ZKSCAN8: variants seen among roughly 807,000 people sequenced by gnomAD.
ZKSCAN8 encodes the protein zinc finger protein with KRAB and SCAN domains 8.
A neutral mutation model predicts 57.2 loss-of-function variants in ZKSCAN8; 27 were observed. The ratio of observed to expected loss-of-function variants is 0.47; its 90% CI spans 0.35 to 0.65. The LOEUF is 0.65. ZKSCAN8 is among the 30% of genes least tolerant of loss of function. The probability of loss-of-function intolerance (pLI) is 0.01; values close to 1 mark genes in which losing one functional copy is unlikely to be tolerated. For missense variants in ZKSCAN8, 597 were observed against 696.3 expected, an observed-to-expected ratio of 0.86 and a Z score of 1.60; for synonymous variants, 214 against 248.7, an observed-to-expected ratio of 0.86 and a Z score of 1.31.
chr6:28,152,102 T>G (rs943480970), intron 4 of ZKSCAN8, among the ~76,000 whole-genome samples, 159 bp from the exon 5 acceptor site: 1 of 152,234 alleles, frequency 6.6e-6, no homozygotes, highest in Non-Finnish European at 1.5e-5. Flanking sequence ...CCCCAGTAAA[T>G]CTCATGCATT....
intron 2 of ZKSCAN8, 160 bp downstream of exon 2, chr6:28,148,984 CT>C (rs1426424945): frequency 2.3e-6 from 2 of 888,518 alleles, no homozygotes; most frequent in Non-Finnish European, 3.3e-6. Context: ...GTTCTTTTTA[CT>C]TTTGTAAAGG....
At position 28,155,860 on chromosome 6, in the gene ZKSCAN8, T is replaced by C. The variant is rs952968474; in HGVS notation, c.*1843T>C. On this transcript the variant is annotated 3_prime_UTR_variant, in exon 6 of 6. Transcript: ENST00000330236. ...TACATCAATTTCATTGAGCCATTGG[T>C]GAATGAAGACACCCATCACTTGTCA... The C allele has an allele frequency of 9.7e-6, 3 of 310,206 alleles. No individual in the cohort carries two copies. Among genetic ancestry groups the C allele is most frequent in the African/African-American group, 2.1e-5 (1 of 46,748 alleles). The allele number at this position is 310,206 out of a possible 1,614,324, so 19.2% of individuals were successfully genotyped here.
At position 28,153,563 on chromosome 6, in the gene ZKSCAN8, A is replaced by T; in HGVS notation, c.1283A>T (p.His428Leu). The T allele has an allele frequency of 5.0e-6, 8 of 1,614,088 alleles. No individual in the cohort carries two copies. Among genetic ancestry groups the T allele is most frequent in the Non-Finnish European group, 6.8e-6 (8 of 1,180,010 alleles). Residue 428 changes from histidine (H) to leucine (L), a missense_variant, in exon 6 of 6, where the codon CAC (histidine) becomes CTC (leucine). By Grantham distance (99) the His-to-Leu change is moderately conservative (BLOSUM62 -3). Transcript: ENST00000330236. ...SAGLILHQRI[H>L]SGERPYECNE... ...GGCCTTATTCTGCACCAGAGAATCC[A>T]CAGTGGAGAGAGACCCTATGAATGT...
chr6:28,152,979 C>A, intron 5 of ZKSCAN8, 77 bp from the exon 6 acceptor site: 1 of 1,557,456 alleles, frequency 6.4e-7, no homozygotes, highest in Non-Finnish European at 8.7e-7. Flanking sequence ...TTTCCCCTAT[C>A]TTCAGTTCCT....
chr6:28,155,901 G>A lies in ZKSCAN8; in HGVS notation c.*1884G>A. 2.8e-6 allele frequency: 1 copy of A among 363,006 alleles called. No individual in the cohort carries two copies. The allele number at this position is 363,006 out of a possible 1,614,324, so 22.5% of individuals were successfully genotyped here. A position where few individuals can be genotyped will look rare whatever the true frequency, so the allele number is the denominator to read the frequency against. On this transcript the variant is annotated 3_prime_UTR_variant, in exon 6 of 6. Transcript: ENST00000330236. Reference sequence around the variant, plus strand: ...TCACTTGTCATGTTGGTTTCCAACAGTCCTTTCGATTATCCTTTATTTTCT... The same window carrying A: ...TCACTTGTCATGTTGGTTTCCAACAATCCTTTCGATTATCCTTTATTTTCT...
Position 28,149,825 on chromosome 6 carries a change from T to G in ZKSCAN8, c.559+201T>G, listed in dbSNP as rs533537099. ...TCATGAACAAATTAAATAATTTGACTTTTTTTTTTTTAATTTTTTTTCCTT... is the reference window on the plus strand; with the variant it reads ...TCATGAACAAATTAAATAATTTGACGTTTTTTTTTTTAATTTTTTTTCCTT... On this transcript the variant is annotated intron_variant, in intron 3 of 5. Coordinates refer to ENST00000330236, the MANE Select transcript of ZKSCAN8 (RefSeq NM_006298.4). 8.6e-5 allele frequency among the ~76,000 whole-genome samples: 8 copies of G among 93,278 alleles called. No individual in the cohort carries two copies. The South Asian group carries it at 2.4e-3, about 28-fold the overall frequency. 61.2% of individuals were successfully genotyped at this position (93,278 alleles called of 152,430 possible). A position where few individuals can be genotyped will look rare whatever the true frequency, so the allele number is the denominator to read the frequency against.
In ZKSCAN8 at chr6:28,153,277, C is replaced by G; in HGVS notation, c.997C>G (p.Gln333Glu). The G allele has an allele frequency of 1.9e-6, 3 of 1,614,210 alleles. No homozygotes were observed. Among genetic ancestry groups the G allele is most frequent in the Non-Finnish European group, 2.5e-6 (3 of 1,180,040 alleles). ...KCDECGKSFA[Q>E]SSGLVRHWRI... ...TGATGAATGTGGGAAAAGCTTTGCTCAGAGCTCAGGCCTTGTTCGCCACTG... is the reference window on the plus strand; with the variant it reads ...TGATGAATGTGGGAAAAGCTTTGCTGAGAGCTCAGGCCTTGTTCGCCACTG... The change falls in exon 6 of 6, where the codon CAG becomes GAG. Residue 333 changes from glutamine (Q) to glutamate (E), a missense_variant. By Grantham distance (29) the Gln-to-Glu change is conservative. Transcript: ENST00000330236.
Position 28,155,086 on chromosome 6 carries a change from T to G in ZKSCAN8, c.*1069T>G, listed in dbSNP as rs1467414942. The G allele has an allele frequency of 6.6e-6, 1 of 152,576 alleles. No individual in the cohort carries two copies. Among genetic ancestry groups the G allele is most frequent in the Non-Finnish European group, 1.5e-5 (1 of 68,028 alleles). The allele number at this position is 152,576 out of a possible 1,614,324, so 9.5% of individuals were successfully genotyped here. ...CTATCATTACCTTGCACCCATCTCTTTAGATGGCCTCAGCACCTCACTCGT... is the reference window on the plus strand; with the variant it reads ...CTATCATTACCTTGCACCCATCTCTGTAGATGGCCTCAGCACCTCACTCGT... On this transcript the variant is annotated 3_prime_UTR_variant, in exon 6 of 6. Coordinates refer to ENST00000330236, the MANE Select transcript of ZKSCAN8 (RefSeq NM_006298.4).
chr6:28,158,394 CTT>C lies in ZKSCAN8; in HGVS notation c.*4380_*4381del, dbSNP rs925555046. 2 of 152,076 alleles carry C rather than the reference CTT, an allele frequency of 1.3e-5. No homozygotes were observed. The highest frequency in any genetic ancestry group is 4.8e-5 in the African/African-American group (2 of 41,388). The allele number at this position is 152,076 out of a possible 1,614,324, so 9.4% of individuals were successfully genotyped here. A position where few individuals can be genotyped will look rare whatever the true frequency, so the allele number is the denominator to read the frequency against. On this transcript the variant is annotated 3_prime_UTR_variant, in exon 6 of 6. Transcript: ENST00000330236. ...TCCCACCCTGTGGGTCAGTTTGTGA[CTT>C]TTGGAATTTTCCACAGGTACCTGTA...
chr6:28,145,992 A>G (rs185098307), intron 1 of ZKSCAN8, among the ~76,000 whole-genome samples: 54 of 152,348 alleles, frequency 3.5e-4, no homozygotes, highest in Admixed American at 1.9e-3. Flanking sequence ...ATTGTGGAAC[A>G]TGAATGGGAA....
At chr6:28,150,656 T>G (rs960627550) in intron 3 of ZKSCAN8, among the ~76,000 whole-genome samples, 1 of 152,218 alleles carries the variant, frequency 6.6e-6, no homozygotes, top group Non-Finnish European at 1.5e-5. Context: ...AGAATGGTTA[T>G]GAAATAGTGA....
intron 1 of ZKSCAN8, among the ~76,000 whole-genome samples, chr6:28,145,850 CAGT>C (rs1765376187): frequency 6.6e-6 from 1 of 152,184 alleles, no homozygotes; most frequent in Non-Finnish European, 1.5e-5. Context: ...CTACCCATTC[CAGT>C]ATAACTTCAT....
chr6:28,151,989 G>T lies in ZKSCAN8; in HGVS notation c.651+53G>T, dbSNP rs936367644. 3.2e-6 allele frequency: 5 copies of T among 1,583,440 alleles called. No homozygotes were observed. The African/African-American group carries it at 5.4e-5, about 17-fold the overall frequency. ...GCCATAGCTGTGCTTGTCAGTGTTT[G>T]TGGCATCTGCCCTATATCTTGACTG... On this transcript the variant is annotated intron_variant, in intron 4 of 5. Coordinates refer to ENST00000330236, the MANE Select transcript of ZKSCAN8 (RefSeq NM_006298.4).
intron 1 of ZKSCAN8, among the ~76,000 whole-genome samples, chr6:28,147,136 G>A (rs557350153): frequency 1.4e-5 from 2 of 147,306 alleles, no homozygotes; most frequent in South Asian, 4.3e-4. Flanking sequence ...TCTCATAAAG[G>A]ACTTGTGTCC....
At chr6:28,150,548 CTT>C (rs765280272) in intron 3 of ZKSCAN8, among the ~76,000 whole-genome samples, 48 of 152,078 alleles carry the variant, frequency 3.2e-4, no homozygotes, top group Non-Finnish European at 5.7e-4. Flanking sequence ...GGAAGATACT[CTT>C]GAGTGTATTT....
chr6:28,153,638 A>G lies in ZKSCAN8; in HGVS notation c.1358A>G (p.Gln453Arg). ...CATAGCTCACACCTCATTGGACATC[A>G]GAGAATCCACACTGGGGAGAAGCCC... is the stretch of plus-strand genomic sequence containing the variant. Reference protein sequence around the residue: ...FSHSSHLIGHQRIHTGEKPYE... With the variant: ...FSHSSHLIGHRRIHTGEKPYE... Residue 453 changes from glutamine (Q) to arginine (R), a missense_variant, in exon 6 of 6, where the codon CAG becomes CGG. By Grantham distance (43) the Gln-to-Arg change is conservative (BLOSUM62 1). Coordinates refer to ENST00000330236, the MANE Select transcript of ZKSCAN8 (RefSeq NM_006298.4). 6.2e-7 allele frequency: 1 copy of G among 1,612,462 alleles called. No homozygotes were observed. The highest frequency in any genetic ancestry group is 8.5e-7 in the Non-Finnish European group (1 of 1,179,540).
At chr6:28,142,966 T>G (rs959951931) in intron 1 of ZKSCAN8, among the ~76,000 whole-genome samples, 1 of 152,236 alleles carries the variant, frequency 6.6e-6, no homozygotes, top group Non-Finnish European at 1.5e-5. Context: ...AAATTAGACA[T>G]AGTCTGAAGG....
At position 28,155,426 on chromosome 6, in the gene ZKSCAN8, A is replaced by G. The variant is rs1019545721; in HGVS notation, c.*1409A>G. 6.6e-6 allele frequency: 1 copy of G among 152,198 alleles called. No individual in the cohort carries two copies. Among genetic ancestry groups the G allele is most frequent in the African/African-American group, 2.4e-5 (1 of 41,452 alleles). The allele number at this position is 152,198 out of a possible 1,614,324, so 9.4% of individuals were successfully genotyped here. A position where few individuals can be genotyped will look rare whatever the true frequency, so the allele number is the denominator to read the frequency against. ...CCAAGTACTATTATTCCATACTACT[A>G]TATTCTTCCAAATATTTGGAACACT... On this transcript the variant is annotated 3_prime_UTR_variant, in exon 6 of 6. Coordinates refer to ENST00000330236, the MANE Select transcript of ZKSCAN8 (RefSeq NM_006298.4).
rs1439525545 is a variant in ZKSCAN8 at position 28,157,327 on chromosome 6, A to G, written c.*3310A>G. 6.6e-6 allele frequency: 1 copy of G among 152,200 alleles called. No individual in the cohort carries two copies. Among genetic ancestry groups the G allele is most frequent in the Non-Finnish European group, 1.5e-5 (1 of 68,036 alleles). 9.4% of individuals were successfully genotyped at this position (152,200 alleles called of 1,614,324 possible). ...TTGGTCCCACCCACGACACGTGGGA[A>G]TTGTGGGAGCTACAATTCAAGATGA... On this transcript the variant is annotated 3_prime_UTR_variant, in exon 6 of 6. Transcript: ENST00000330236.
Sources: allele counts gnomAD v4.1 joint callset (sites outside exome capture counted in the v4.1 genomes callset), GRCh38; gene constraint gnomAD v4.1.1; transcripts MANE v1.5; gene names NCBI Gene and HGNC (gene_info 2026-07-23, HGNC 2026-07-21).